ROBO2: variants seen among roughly 807,000 people sequenced by gnomAD.
ROBO2 encodes roundabout homolog 2.
In ROBO2, 53 loss-of-function variants were observed where a neutral mutation model predicts 160.8. The observed-to-expected ratio is 0.33, with a 90% CI of 0.26 to 0.41. The LOEUF is 0.41. ROBO2 is among the 10% of genes least tolerant of loss of function. The pLI is 1.00. For synonymous variants in ROBO2, 664 were observed against 611.7 expected, an observed-to-expected ratio of 1.09 and a Z score of -1.26; for missense variants, 1,577 against 1,722.4, an observed-to-expected ratio of 0.92 and a Z score of 1.49.
chr3:77,439,205 C>G (rs2079645950), intron 2 of ROBO2, among the ~76,000 whole-genome samples: 1 of 151,814 alleles, frequency 6.6e-6, no homozygotes, highest in African/African-American at 2.4e-5. Context: ...AAATTAATAG[C>G]AAAAAGTGAG....
chr3:77,291,667 A>G (rs2061285200), intron 2 of ROBO2, among the ~76,000 whole-genome samples: 1 of 151,984 alleles, frequency 6.6e-6, no homozygotes, highest in Non-Finnish European at 1.5e-5. Flanking sequence ...ATAAAGTAAA[A>G]TTGATGGTTA....
Position 76,722,146 on chromosome 3 carries a change from G to T in ROBO2, c.110-375868G>T, listed in dbSNP as rs1480174937. ...AGGGAATGAAGTAGGAGGAAACACTGTTGGGGGCCTTGTCATTGGGTTGAC... is the reference window on the plus strand; with the variant it reads ...AGGGAATGAAGTAGGAGGAAACACTTTTGGGGGCCTTGTCATTGGGTTGAC... On this transcript the variant is annotated intron_variant, in intron 2 of 26. Coordinates refer to the ROBO2 transcript ENST00000487694. Among the ~76,000 whole-genome samples the T allele has an allele frequency of 2.0e-5, 3 of 152,172 alleles. No individual in the cohort carries two copies. In the East Asian group the frequency reaches 5.8e-4, roughly 29 times the overall value.
intron 2 of ROBO2, among the ~76,000 whole-genome samples, chr3:75,957,145 T>A (rs1345947651): frequency 1.3e-5 from 2 of 151,770 alleles, no homozygotes; most frequent in East Asian, 3.9e-4. Flanking sequence ...TTAAAATATA[T>A]CTAATGTTTT....
intron 2 of ROBO2, among the ~76,000 whole-genome samples, chr3:77,129,575 G>A (rs1023096129): frequency 2.6e-5 from 4 of 152,196 alleles, no homozygotes; most frequent in Admixed American, 2.0e-4. Context: ...GAGAGGACAG[G>A]TGAATATGGC....
At chr3:75,996,812 A>T (rs199498674) in intron 2 of ROBO2, among the ~76,000 whole-genome samples, 5 of 46,454 alleles carry the variant, frequency 1.1e-4, no homozygotes, top group Admixed American at 2.2e-4. Context: ...GTAAATCATC[A>T]ATTCTGATAT....
chr3:76,204,322 C>T (rs536126234), intron 2 of ROBO2, among the ~76,000 whole-genome samples: 8 of 152,080 alleles, frequency 5.3e-5, no homozygotes, highest in East Asian at 3.9e-4. Context: ...TTTATTACCG[C>T]GAGGAAGCAC....
chr3:76,925,547 A>T (rs1309811538), intron 2 of ROBO2, among the ~76,000 whole-genome samples: 2 of 152,230 alleles, frequency 1.3e-5, no homozygotes, highest in African/African-American at 4.8e-5. Flanking sequence ...GGAAAAAAAT[A>T]CTTAAACAAC....
intron 2 of ROBO2, among the ~76,000 whole-genome samples, chr3:76,778,898 C>T (rs2062449898): frequency 6.6e-6 from 1 of 151,040 alleles, no homozygotes; most frequent in Non-Finnish European, 1.5e-5. Context: ...CCAGTTACTT[C>T]TACGAAAGCC....
chr3:77,254,925 A>G lies in ROBO2; in HGVS notation c.388+156585A>G, dbSNP rs148598770. Among the ~76,000 whole-genome samples, 378 of 152,326 alleles carry G rather than the reference A, an allele frequency of 2.5e-3. 2 individuals carry two copies. The highest frequency in any genetic ancestry group is 8.8e-3 in the African/African-American group (365 of 41,572). ...CTAATGACTTTTCCATTCAACTTCA[A>G]TTGCCAGTTTTGTGTGTAATAGGGG... On this transcript the variant is annotated intron_variant, in intron 2 of 25. Transcript: ENST00000461745.
intron 2 of ROBO2, among the ~76,000 whole-genome samples, chr3:77,352,982 C>G (rs2068558258): frequency 6.6e-6 from 1 of 152,190 alleles, no homozygotes; most frequent in South Asian, 2.1e-4. Context: ...TGGTCATGTG[C>G]TACCTGTGTT....
At chr3:76,521,605 A>C (rs1360395844) in intron 2 of ROBO2, among the ~76,000 whole-genome samples, 1 of 152,194 alleles carries the variant, frequency 6.6e-6, no homozygotes, top group Non-Finnish European at 1.5e-5. Context: ...CAGTGGAAAA[A>C]CAGCAATGCC....
At chr3:76,099,403 A>G (rs2069588991) in intron 2 of ROBO2, among the ~76,000 whole-genome samples, 2 of 152,148 alleles carry the variant, frequency 1.3e-5, no homozygotes, top group Admixed American at 1.3e-4. Context: ...TGTGCTGAAA[A>G]AAAAAAATGT....
intron 2 of ROBO2, among the ~76,000 whole-genome samples, chr3:76,905,764 C>T (rs761015889): frequency 2.6e-5 from 4 of 152,252 alleles, no homozygotes; most frequent in African/African-American, 7.2e-5. Context: ...GTCTTACATG[C>T]TTCTTATTTC....
At chr3:76,829,746 G>A (rs528584050) in intron 2 of ROBO2, among the ~76,000 whole-genome samples, 4 of 149,330 alleles carry the variant, frequency 2.7e-5, no homozygotes, top group Non-Finnish European at 4.4e-5. Flanking sequence ...TTGGCTCACT[G>A]CAACCTCTGC....
intron 2 of ROBO2, among the ~76,000 whole-genome samples, chr3:77,355,517 A>G (rs1214445527): frequency 1.3e-5 from 2 of 152,104 alleles, no homozygotes; most frequent in South Asian, 4.1e-4. Context: ...AAGGGAGAGG[A>G]TAGGTCACAG....
intron 2 of ROBO2, among the ~76,000 whole-genome samples, chr3:76,494,968 T>C (rs554953042): frequency 5.3e-5 from 8 of 152,272 alleles, no homozygotes; most frequent in Non-Finnish European, 1.0e-4. Context: ...TGGAACTAGA[T>C]ACAGGTGGTG....
chr3:76,372,575 C>T (rs1008569014), intron 2 of ROBO2, among the ~76,000 whole-genome samples: 7 of 151,930 alleles, frequency 4.6e-5, no homozygotes, highest in African/African-American at 1.7e-4. Flanking sequence ...CAGATATCTT[C>T]TACTTCGGGT....
In ROBO2 at chr3:77,482,771, G is replaced by A. The variant is rs534233048; in HGVS notation, c.667+1552G>A. On this transcript the variant is annotated intron_variant, in intron 4 of 25. Coordinates refer to ENST00000461745, the Ensembl canonical transcript of ROBO2. ...GAAATGATATTAGTGGTCACTGAAC[G>A]TTAGCATTGAAAGCCCACAAGTATA... Among the ~76,000 whole-genome samples the A allele has an allele frequency of 7.2e-5, 11 of 151,916 alleles. No homozygotes were observed. In the East Asian group the frequency reaches 9.7e-4, roughly 13 times the overall value.
At chr3:77,089,515 A>G (rs772168133) in intron 1 of ROBO2, among the ~76,000 whole-genome samples, 1 of 152,186 alleles carries the variant, frequency 6.6e-6, no homozygotes, top group African/African-American at 2.4e-5. Flanking sequence ...AGGACACTGA[A>G]AAGTTATTTT....
Sources: allele counts gnomAD v4.1 joint callset (sites outside exome capture counted in the v4.1 genomes callset), GRCh38; gene constraint gnomAD v4.1.1; transcripts MANE v1.5; gene names NCBI Gene and HGNC (gene_info 2026-07-23, HGNC 2026-07-21).